The following ELMOD3 variants were observed in gnomAD, a reference collection of about 807,000 sequenced individuals.
The protein encoded by ELMOD3 is ELMO domain containing 3.
ELMOD3 carries 36 observed loss-of-function variants against 47.4 expected under a neutral mutation model. The ratio of observed to expected loss-of-function variants is 0.76; its 90% CI spans 0.58 to 1.00. The LOEUF (loss-of-function observed/expected upper bound fraction) is 1.00, where lower values mean the gene tolerates loss of function less well. Among genes scored for constraint, ELMOD3 ranks in the 50% least tolerant of loss-of-function variants. The probability of loss-of-function intolerance (pLI) is 0.00; values close to 1 mark genes in which losing one functional copy is unlikely to be tolerated. For synonymous variants in ELMOD3, 149 were observed against 183.5 expected (o/e 0.81, Z 1.52); for missense variants, 404 against 463.8 (o/e 0.87, Z 1.18).
chr2:85,363,089 C>A lies in ELMOD3; in HGVS notation c.130-8C>A. On this transcript the variant is annotated splice_region_variant and splice_polypyrimidine_tract_variant and intron_variant, in intron 5 of 13. Coordinates refer to ENST00000409013, the MANE Select transcript of ELMOD3 (RefSeq NM_001135022.2). The stretch of plus-strand genomic sequence containing the variant: ...TATCCTCAAGCTAAAGGTCAGCTGC[C>A]TCTACAGATCTCAGAGTTGAAGAAC... 1 of 1,596,420 alleles carries A rather than the reference C, an allele frequency of 6.3e-7. No homozygotes were observed.
Position 85,390,826 on chromosome 2 carries a change from G to C in ELMOD3, c.1010G>C (p.Arg337Thr), listed in dbSNP as rs748617515. 6.4e-7 allele frequency: 1 copy of C among 1,551,530 alleles called. No homozygotes were observed. Among genetic ancestry groups the C allele is most frequent in the Non-Finnish European group, 8.7e-7 (1 of 1,147,016 alleles). ...LLKTLELYLA[R>T]VSKGQASLLG... ...AAGACCCTGGAGCTGTACTTGGCCA[G>C]GGTGTCAAAGGGACAGGCCTCCTTG... Residue 337 changes from arginine to threonine, a missense_variant, in exon 14 of 14, where the codon AGG becomes ACG. Coordinates refer to ENST00000409013, the MANE Select transcript of ELMOD3 (RefSeq NM_001135022.2).
chr2:85,386,212 G>A (rs533482609), intron 11 of ELMOD3, among the ~76,000 whole-genome samples: 136 of 152,260 alleles, frequency 8.9e-4, no homozygotes, highest in Non-Finnish European at 7.1e-4. Flanking sequence ...AAATGAAATT[G>A]TAAATGGAAG....
chr2:85,391,054 C>A lies in ELMOD3; in HGVS notation c.*92C>A. 1.6e-6 allele frequency: 2 copies of A among 1,271,096 alleles called. No individual in the cohort carries two copies. The highest frequency in any genetic ancestry group is 2.2e-6 in the Non-Finnish European group (2 of 920,334). The allele number at this position is 1,271,096 out of a possible 1,614,324, so 78.7% of individuals were successfully genotyped here. The stretch of plus-strand genomic sequence containing the variant: ...TCAGGAGCCTGGCCAGGCCGCACCC[C>A]TTGCTGTCTCAGCAGATGGGATATA... On this transcript the variant is annotated 3_prime_UTR_variant, in exon 14 of 14. Transcript: ENST00000409013.
At chr2:85,368,849 G>C in intron 7 of ELMOD3, 95 bp downstream of exon 7, 12 of 1,300,398 alleles carry the variant, frequency 9.2e-6, no homozygotes, top group East Asian at 2.4e-5. Flanking sequence ...TCTGGGACTA[G>C]GAGATAGAAT....
chr2:85,360,740 T>C, intron 4 of ELMOD3: 1 of 208,728 alleles, frequency 4.8e-6, no homozygotes, highest in Non-Finnish European at 1.1e-5. Flanking sequence ...TCAGTGAATA[T>C]GGTAACATAG....
intron 6 of ELMOD3, among the ~76,000 whole-genome samples, chr2:85,363,752 C>T (rs1684148828): frequency 6.6e-6 from 1 of 152,150 alleles, no homozygotes; most frequent in South Asian, 2.1e-4. Flanking sequence ...TGGTGGCAGG[C>T]AAAGAGAGAG....
chr2:85,372,028 G>T (rs1269459514), intron 10 of ELMOD3: 3 of 157,674 alleles, frequency 1.9e-5, no homozygotes, highest in African/African-American at 7.2e-5. Context: ...ATTTAGCCAG[G>T]CCTGGTGGTA....
intron 6 of ELMOD3, among the ~76,000 whole-genome samples, chr2:85,367,960 T>C (rs1227079992): frequency 3.3e-5 from 5 of 151,976 alleles, no homozygotes. Flanking sequence ...TTGCCCAGGC[T>C]GGAGTGCAGT....
chr2:85,365,357 A>AT (rs961358807), intron 6 of ELMOD3, among the ~76,000 whole-genome samples: 90 of 150,578 alleles, frequency 6.0e-4, no homozygotes, highest in East Asian at 5.6e-3. Context: ...CTCAAAAAAA[A>AT]ATATATATAT....
intron 11 of ELMOD3, among the ~76,000 whole-genome samples, chr2:85,384,419 T>C (rs1252553074): frequency 2.0e-5 from 3 of 151,910 alleles, no homozygotes; most frequent in Non-Finnish European, 4.4e-5. Flanking sequence ...AAGAGAAGAG[T>C]TAGCCTCCAC....
chr2:85,363,930 G>A (rs1007496061), intron 6 of ELMOD3, among the ~76,000 whole-genome samples: 3 of 151,994 alleles, frequency 2.0e-5, no homozygotes, highest in Non-Finnish European at 4.4e-5. Context: ...ATTTAGGCGG[G>A]GACACAGAGC....
rs758051675 is a variant in ELMOD3, at chr2:85,376,137, G to C, written c.608-1207G>C. On this transcript the variant is annotated intron_variant, in intron 10 of 13. Transcript: ENST00000409013. This position sits in a 1 kb window ranked among gnomAD's most constrained non-coding sequence, Gnocchi z 4.2. ...GCGGGGGGATTATTTTGCCTACCAC[G>C]GCTGCTTTAAATTCCTTGTCAAATA... 1.3e-5 allele frequency among the ~76,000 whole-genome samples: 2 copies of C among 152,118 alleles called. No individual in the cohort carries two copies. Among genetic ancestry groups the C allele is most frequent in the African/African-American group, 2.4e-5 (1 of 41,414 alleles).
chr2:85,366,231 A>G (rs199893888), intron 6 of ELMOD3, among the ~76,000 whole-genome samples: 2 of 149,490 alleles, frequency 1.3e-5, no homozygotes, highest in East Asian at 3.9e-4. Flanking sequence ...TCAGCGTCCC[A>G]TAGTGCTGAG....
At position 85,377,397 on chromosome 2, in the gene ELMOD3, C is replaced by G; in HGVS notation, c.661C>G (p.Leu221Val). The change falls in exon 11 of 14, where the codon CTG becomes GTG. Residue 221 changes from leucine to valine, a missense_variant. By Grantham distance (32) the Leu-to-Val change is conservative. Coordinates refer to ENST00000409013, the MANE Select transcript of ELMOD3 (RefSeq NM_001135022.2). ...CGCAGGCTTCCTTGCCCTCCTGCAT[C>G]TGCTCTACCTGGTGATGGACTCAAA... ...RGAGFLALLHLLYLVMDSKTL... is the reference protein window; with the variant it reads ...RGAGFLALLHVLYLVMDSKTL... The G allele has an allele frequency of 6.2e-7, 1 of 1,610,988 alleles. No individual in the cohort carries two copies. The highest frequency in any genetic ancestry group is 8.5e-7 in the Non-Finnish European group (1 of 1,178,588).
At chr2:85,371,364 C>T in intron 9 of ELMOD3, 76 bp from the exon 10 acceptor site, 1 of 1,603,548 alleles carries the variant, frequency 6.2e-7, no homozygotes, top group Non-Finnish European at 8.5e-7. Context: ...CAGTCCAGAT[C>T]TCACATTCTC....
intron 9 of ELMOD3, 69 bp downstream of exon 9, chr2:85,371,278 C>G (rs1444033891): frequency 1.2e-6 from 2 of 1,612,566 alleles, no homozygotes; most frequent in East Asian, 4.5e-5. Flanking sequence ...TGTGCTGACC[C>G]TGTGAGGCTA....
intron 11 of ELMOD3, among the ~76,000 whole-genome samples, chr2:85,386,766 C>T (rs2104728965): frequency 6.6e-6 from 1 of 152,252 alleles, no homozygotes; most frequent in East Asian, 1.9e-4. Context: ...AAGGCCGAGA[C>T]AAGCAGATCA....
At chr2:85,354,863 G>T (rs995264451) in intron 1 of ELMOD3, 34 bp downstream of exon 1, 12 of 197,906 alleles carry the variant, frequency 6.1e-5, no homozygotes, top group Admixed American at 5.9e-4. Flanking sequence ...AAGGGGAGTG[G>T]TTGGTGCCTG....
chr2:85,380,699 A>G (rs958521444), intron 11 of ELMOD3, among the ~76,000 whole-genome samples: 1 of 152,086 alleles, frequency 6.6e-6, no homozygotes, highest in Non-Finnish European at 1.5e-5. Context: ...TAATTTTTGT[A>G]TTATTAGTAG....
Sources: allele counts gnomAD v4.1 joint callset (sites outside exome capture counted in the v4.1 genomes callset), GRCh38; gene constraint gnomAD v4.1.1; non-coding constraint Gnocchi (gnomAD v3.1); transcripts MANE v1.5; gene names NCBI Gene and HGNC (gene_info 2026-07-23, HGNC 2026-07-21).